The following ERC1 variants were observed in gnomAD, a reference collection of about 807,000 sequenced individuals.
ERC1 encodes RAB6 interacting protein 2.
A neutral mutation model predicts 132.0 loss-of-function variants in ERC1; 56 were observed. The observed-to-expected ratio is 0.42, with a 90% confidence interval of 0.34 to 0.53. The LOEUF (loss-of-function observed/expected upper bound fraction) is 0.53, where lower values mean the gene tolerates loss of function less well. Among genes scored for constraint, ERC1 ranks in the 20% least tolerant of loss-of-function variants. ERC1 has a pLI of 0.03. For synonymous variants in ERC1, 478 were observed against 476.1 expected (o/e 1.00, Z -0.05); for missense variants, 1,202 against 1,349.9 (o/e 0.89, Z 1.72).
chr12:1,216,600 G>GGCGGGGGGGAGGGA (rs1958431746), intron 12 of ERC1, among the ~76,000 whole-genome samples: 9 of 141,724 alleles, frequency 6.4e-5, no homozygotes, highest in African/African-American at 2.3e-4. Flanking sequence ...CCTTGGTGGG[G>GGCGGGGGGGAGGGA]TCGGGGAGGA....
At chr12:1,405,110 A>G (rs1021318259) in intron 16 of ERC1, among the ~76,000 whole-genome samples, 10 of 151,778 alleles carry the variant, frequency 6.6e-5, no homozygotes, top group Non-Finnish European at 1.2e-4. Flanking sequence ...ACTGCATTCC[A>G]GCCTGGGCAA....
Position 1,427,242 on chromosome 12 carries a change from C to G in ERC1, c.3025-17320C>G, listed in dbSNP as rs116739670. Among the ~76,000 whole-genome samples, 661 of 152,304 alleles carry G rather than the reference C, an allele frequency of 4.3e-3. 8 individuals are homozygous for G. Among genetic ancestry groups the G allele is most frequent in the African/African-American group, 0.014 (596 of 41,564 alleles). ...CTCTACCTGGCAGACACTACACATA[C>G]TGTGTAAAGCACTGCTGGGGGCCTT... On this transcript the variant is annotated intron_variant, in intron 17 of 18. Transcript: ENST00000360905.
intron 7 of ERC1, among the ~76,000 whole-genome samples, chr12:1,141,394 A>G (rs2154248943): frequency 6.6e-6 from 1 of 152,318 alleles, no homozygotes; most frequent in South Asian, 2.1e-4. Flanking sequence ...TTAGCCCTCC[A>G]GATGATTCTG....
chr12:1,153,685 C>T lies in ERC1; in HGVS notation c.1737+11898C>T, dbSNP rs181072899. On this transcript the variant is annotated intron_variant, in intron 8 of 18. Coordinates refer to ENST00000360905, the MANE Select transcript of ERC1 (RefSeq NM_178040.4). Reference sequence around the variant, plus strand: ...ATGAACTCGGAGAAGGGAAAACAAACGGATCACTGTGAGTTTGCCAAGCGG... The same window carrying T: ...ATGAACTCGGAGAAGGGAAAACAAATGGATCACTGTGAGTTTGCCAAGCGG... Among the ~76,000 whole-genome samples the T allele has an allele frequency of 5.2e-4, 79 of 152,316 alleles. 2 individuals are homozygous for T. Among genetic ancestry groups the T allele is most frequent in the South Asian group, 5.0e-3 (24 of 4,834 alleles).
chr12:1,167,277 G>A (rs775486159), intron 8 of ERC1, among the ~76,000 whole-genome samples: 7 of 152,154 alleles, frequency 4.6e-5, no homozygotes, highest in Non-Finnish European at 8.8e-5. Context: ...GTGCCTGGTC[G>A]CAGTTTTAAA....
chr12:1,411,492 G>A (rs2154395823), intron 17 of ERC1, among the ~76,000 whole-genome samples: 1 of 152,110 alleles, frequency 6.6e-6, no homozygotes, highest in South Asian at 2.1e-4. Context: ...GCGCTGTGAG[G>A]TGGGAAGCTG....
intron 11 of ERC1, among the ~76,000 whole-genome samples, chr12:1,184,937 G>A (rs1485820191): frequency 6.6e-6 from 1 of 152,116 alleles, no homozygotes; most frequent in Non-Finnish European, 1.5e-5. Flanking sequence ...TTGAGACAGA[G>A]TCTCACTCTG....
intron 8 of ERC1, among the ~76,000 whole-genome samples, chr12:1,173,263 G>T (rs779771031): frequency 6.6e-6 from 1 of 152,056 alleles, no homozygotes; most frequent in Non-Finnish European, 1.5e-5. Flanking sequence ...TTTCCCATAG[G>T]CCTGTAGTGA....
intron 14 of ERC1, among the ~76,000 whole-genome samples, chr12:1,274,943 G>A (rs2078159127): frequency 1.3e-5 from 2 of 152,196 alleles, no homozygotes; most frequent in African/African-American, 2.4e-5. Context: ...GCATAGTTCG[G>A]AAATCAAAAG....
chr12:1,241,338 A>G (rs1457101062), intron 13 of ERC1, among the ~76,000 whole-genome samples: 1 of 152,180 alleles, frequency 6.6e-6, no homozygotes, highest in African/African-American at 2.4e-5. Context: ...TTTGCTACCT[A>G]TCATGAAAAT....
chr12:1,110,977 T>C (rs1169814161), intron 5 of ERC1, among the ~76,000 whole-genome samples: 1 of 152,186 alleles, frequency 6.6e-6, no homozygotes, highest in Non-Finnish European at 1.5e-5. Flanking sequence ...GTGCTGGGAT[T>C]ACAGACGTGA....
chr12:1,468,342 C>T (rs564395571), intron 18 of ERC1, among the ~76,000 whole-genome samples: 21 of 152,296 alleles, frequency 1.4e-4, no homozygotes, highest in African/African-American at 4.3e-4. Context: ...GCGACTCACG[C>T]CTGTAATCCC....
At chr12:1,177,222 G>A (rs1451816507) in intron 8 of ERC1, among the ~76,000 whole-genome samples, 1 of 152,144 alleles carries the variant, frequency 6.6e-6, no homozygotes, top group African/African-American at 2.4e-5. Context: ...CAGCAATAAG[G>A]TTGATTTCTT....
At chr12:1,342,594 G>A (rs1386972792) in intron 15 of ERC1, among the ~76,000 whole-genome samples, 3 of 152,140 alleles carry the variant, frequency 2.0e-5, no homozygotes, top group Non-Finnish European at 4.4e-5. Flanking sequence ...ATCATCCCAT[G>A]TCTGCCTGGT....
intron 3 of ERC1, among the ~76,000 whole-genome samples, chr12:1,084,620 A>C (rs9783437): frequency 0.038 from 5,756 of 152,120 alleles, 337 homozygotes; most frequent in African/African-American, 0.13. Context: ...TTATAACTCA[A>C]AGTATTGTTA....
intron 13 of ERC1, among the ~76,000 whole-genome samples, chr12:1,260,538 T>C (rs2077077147): frequency 6.6e-6 from 1 of 152,212 alleles, no homozygotes; most frequent in Non-Finnish European, 1.5e-5. Context: ...CCTGTTTATT[T>C]CTTACAGTGG....
rs2093251218 is a variant in ERC1, at chr12:1,444,592, A to C, written c.3055A>C (p.Asn1019His). Residue 1019 changes from asparagine (N) to histidine (H), a missense_variant, in exon 18 of 19, where the codon AAT becomes CAT. Transcript: ENST00000360905. ...IIQPLLELDQ[N>H]RSKLKLYIGH... ...CCAGCCCCTCTTAGAACTTGACCAAAATAGAAGTAAATTAAAGTTGTACAT... is the reference window on the plus strand; with the variant it reads ...CCAGCCCCTCTTAGAACTTGACCAACATAGAAGTAAATTAAAGTTGTACAT... 6.2e-7 allele frequency: 1 copy of C among 1,613,086 alleles called. No individual in the cohort carries two copies. The highest frequency in any genetic ancestry group is 1.3e-5 in the African/African-American group (1 of 74,786).
intron 8 of ERC1, among the ~76,000 whole-genome samples, chr12:1,176,704 G>A (rs1407903588): frequency 1.3e-5 from 2 of 151,522 alleles, no homozygotes; most frequent in Non-Finnish European, 2.9e-5. Flanking sequence ...TCTCAGCCTC[G>A]TGAATAACTG....
intron 11 of ERC1, among the ~76,000 whole-genome samples, chr12:1,184,437 A>G (rs1954843612): frequency 1.3e-5 from 2 of 151,974 alleles, no homozygotes; most frequent in South Asian, 4.1e-4. Flanking sequence ...GTAGATTTAC[A>G]TGAAGGACTA....
Sources: gnomAD v4.1 joint callset for allele counts (sites outside exome capture counted in the v4.1 genomes callset) on GRCh38, gnomAD v4.1.1 for gene constraint, MANE v1.5 for transcripts, NCBI Gene and HGNC (gene_info 2026-07-23, HGNC 2026-07-21) for gene names.